ANKRD11: variants seen among roughly 807,000 people sequenced by gnomAD.
The protein encoded by ANKRD11 is ankyrin repeat domain 11, also known as ankyrin repeat domain-containing protein 11.
ANKRD11 carries 17 observed loss-of-function variants against 195.7 expected under a neutral mutation model. The ratio of observed to expected loss-of-function variants is 0.09; its 90% confidence interval spans 0.06 to 0.13. The LOEUF is 0.13. Among genes scored for constraint, ANKRD11 ranks in the 10% least tolerant of loss-of-function variants. The probability of loss-of-function intolerance (pLI) is 1.00; values close to 1 mark genes in which losing one functional copy is unlikely to be tolerated. For missense variants in ANKRD11, 3,735 were observed against 3,566.1 expected (o/e 1.05, Z -1.21); for synonymous variants, 1,953 against 1,528.1 (o/e 1.28, Z -6.49).
intron 2 of ANKRD11, among the ~76,000 whole-genome samples, chr16:89,413,782 G>C (rs1003923950): frequency 6.6e-6 from 1 of 152,180 alleles, no homozygotes. Context: ...CCCCAGGGGT[G>C]AGGGTGCCAG....
At chr16:89,486,769 G>A (rs1567872150) in intron 1 of ANKRD11, among the ~76,000 whole-genome samples, 1 of 152,132 alleles carries the variant, frequency 6.6e-6, no homozygotes, top group African/African-American at 2.4e-5. Flanking sequence ...ACTTTGGGAG[G>A]CCGAGGCAGG....
chr16:89,449,802 G>C (rs1015429464), intron 1 of ANKRD11, among the ~76,000 whole-genome samples: 2 of 152,042 alleles, frequency 1.3e-5, no homozygotes, highest in African/African-American at 4.8e-5. Flanking sequence ...TCAAAAAAAA[G>C]AAAAGTGTGC....
At chr16:89,395,296 T>C (rs1014246276) in intron 2 of ANKRD11, among the ~76,000 whole-genome samples, 1 of 152,226 alleles carries the variant, frequency 6.6e-6, no homozygotes, top group African/African-American at 2.4e-5. Flanking sequence ...GGCTGGACTC[T>C]TTCCAGCTCC....
In ANKRD11 at chr16:89,418,801, G is replaced by C. The variant is rs549271421; in HGVS notation, c.-144-433C>G. ...TTTTTGGAGACAGAGTTTCACTCTT[G>C]TCCCCCAGGCTGGAGTGCAGTGGCG... On this transcript the variant is annotated intron_variant, in intron 1 of 12. Transcript: ENST00000301030. 6.3e-4 allele frequency among the ~76,000 whole-genome samples: 88 copies of C among 140,362 alleles called. 1 individual carries two copies. Among genetic ancestry groups the C allele is most frequent in the African/African-American group, 2.2e-3 (83 of 37,428 alleles). The allele number at this position is 140,362 out of a possible 152,430, so 92.1% of individuals were successfully genotyped here. A position where few individuals can be genotyped will look rare whatever the true frequency, so the allele number is the denominator to read the frequency against.
intron 1 of ANKRD11, among the ~76,000 whole-genome samples, chr16:89,426,913 C>A (rs1013371053): frequency 6.6e-6 from 1 of 152,172 alleles, no homozygotes; most frequent in Non-Finnish European, 1.5e-5. Flanking sequence ...TCTGTTTCTA[C>A]AAAATGAATA....
intron 4 of ANKRD11, among the ~76,000 whole-genome samples, chr16:89,301,994 G>A (rs948588060): frequency 9.9e-5 from 15 of 152,256 alleles, no homozygotes; most frequent in African/African-American, 3.1e-4. Flanking sequence ...TCCCACCATA[G>A]CAAGGGGCAC....
rs115797011 is a variant in ANKRD11 at position 89,284,698 on chromosome 16, G to C, written c.1844C>G (p.Ala615Gly). 1.3e-3 allele frequency: 2,041 copies of C among 1,613,834 alleles called. 26 individuals are homozygous for C. The African/African-American group carries it at 0.024, about 19-fold the overall frequency. The change falls in exon 9 of 13, where the codon GCG (alanine) becomes GGG (glycine). Residue 615 changes from alanine (A) to glycine (G), a missense_variant. Coordinates refer to ENST00000301030, the MANE Select transcript of ANKRD11 (RefSeq NM_013275.6). ...SEKKSPFLSS[A>G]EGAVPKLDKE... ...GTCCAGTTTGGGGACAGCGCCCTCC[G>C]CGCTGGACAGGAAGGGGCTCTTCTT...
At chr16:89,480,019 G>T (rs773527572) in intron 1 of ANKRD11, among the ~76,000 whole-genome samples, 2 of 151,658 alleles carry the variant, frequency 1.3e-5, no homozygotes, top group African/African-American at 4.9e-5. Context: ...GCTGAGGCAG[G>T]AGAAATGCTT....
In ANKRD11 at chr16:89,283,793, A is replaced by G; in HGVS notation, c.2749T>C (p.Ser917Pro). The G allele has an allele frequency of 2.5e-6, 4 of 1,613,500 alleles. No homozygotes were observed. Among genetic ancestry groups the G allele is most frequent in the Non-Finnish European group, 3.4e-6 (4 of 1,179,736 alleles). ...TCGGTCTGCTCTTTCCTCTTCTCAG[A>G]GTTTTTATCCAAATAGTCCCTGTCC... ...KKDRDYLDKN[S>P]EKRKEQTEKH... Residue 917 changes from serine (S) to proline (P), a missense_variant, in exon 9 of 13, where the codon TCT becomes CCT. By Grantham distance (74) the Ser-to-Pro change is moderately conservative (BLOSUM62 -1). Transcript: ENST00000301030. The surrounding 1 kb of genome is among the most constrained non-coding windows in gnomAD (Gnocchi z 4.3).
chr16:89,270,806 G>T lies in ANKRD11; in HGVS notation c.7806+11C>A. The T allele has an allele frequency of 6.2e-7, 1 of 1,612,516 alleles. No homozygotes were observed. Among genetic ancestry groups the T allele is most frequent in the African/African-American group, 1.3e-5 (1 of 74,968 alleles). ...CCCCCAGGCAGAACTGAGGGGACGC[G>T]CAACACCGACCTTCATGCGGTCATA... On this transcript the variant is annotated intron_variant, in intron 12 of 12. Transcript: ENST00000301030.
At chr16:89,318,139 C>T (rs1292572069) in intron 2 of ANKRD11, among the ~76,000 whole-genome samples, 3 of 152,252 alleles carry the variant, frequency 2.0e-5, no homozygotes, top group Admixed American at 6.5e-5. Context: ...CCCTCTGCGA[C>T]ACACGGTGCG....
chr16:89,436,540 G>C (rs908107261), intron 1 of ANKRD11, among the ~76,000 whole-genome samples: 1 of 152,276 alleles, frequency 6.6e-6, no homozygotes, highest in African/African-American at 2.4e-5. Flanking sequence ...GTCTGCCTTG[G>C]GTGTTGGGAC....
At chr16:89,449,930 C>A (rs1345024946) in intron 1 of ANKRD11, among the ~76,000 whole-genome samples, 1 of 152,154 alleles carries the variant, frequency 6.6e-6, no homozygotes, top group Non-Finnish European at 1.5e-5. Context: ...GCTACAGGTC[C>A]CAGCTCCTGC....
chr16:89,356,542 C>T (rs1057370453), intron 2 of ANKRD11, among the ~76,000 whole-genome samples: 1 of 150,322 alleles, frequency 6.7e-6, no homozygotes, highest in South Asian at 2.1e-4. Context: ...GAGGCCGAGG[C>T]GGGCGGATCA....
Position 89,279,622 on chromosome 16 carries a change from G to T in ANKRD11, c.6920C>A (p.Pro2307His). ...TGCGGCTTCCGGCTGGATGCCGCCAGGAGGGCCTTCGGCTGGGGCGGCGGC... is the reference window on the plus strand; with the variant it reads ...TGCGGCTTCCGGCTGGATGCCGCCATGAGGGCCTTCGGCTGGGGCGGCGGC... ...SRAAAPAEGP[P>H]GGIQPEAAEP... The change falls in exon 9 of 13, where the codon CCT becomes CAT. Residue 2307 changes from proline to histidine, a missense_variant. By Grantham distance (77) the Pro-to-His change is moderately conservative. Coordinates refer to ENST00000301030, the MANE Select transcript of ANKRD11 (RefSeq NM_013275.6). The surrounding 1 kb of genome is among the most constrained non-coding windows in gnomAD (Gnocchi z 5.6). The T allele has an allele frequency of 7.0e-7, 1 of 1,438,730 alleles. No individual in the cohort carries two copies. The highest frequency in any genetic ancestry group is 2.5e-5 in the East Asian group (1 of 40,092). The allele number at this position is 1,438,730 out of a possible 1,614,324, so 89.1% of individuals were successfully genotyped here. A position where few individuals can be genotyped will look rare whatever the true frequency, so the allele number is the denominator to read the frequency against.
chr16:89,441,782 A>AAAAAAAAC, intron 1 of ANKRD11, among the ~76,000 whole-genome samples: 1 of 149,784 alleles, frequency 6.7e-6, no homozygotes, highest in East Asian at 2.0e-4. Context: ...AAAAAAAAAA[A>AAAAAAAAC]AAAAAAAAAA....
Position 89,283,100 on chromosome 16 carries a change from C to A in ANKRD11, c.3442G>T (p.Gly1148Cys), listed in dbSNP as rs143417087. 6.2e-7 allele frequency: 1 copy of A among 1,613,912 alleles called. No individual in the cohort carries two copies. The highest frequency in any genetic ancestry group is 8.5e-7 in the Non-Finnish European group (1 of 1,180,002). ...CGTCCTTCCTCCTTCTCCTGGAGGC[C>A]GTCCGTCCTCGGCAAGTCGCTGGCC... ...GEASDLPRTD[G>C]LQEKEEGREA... is the part of the protein sequence containing the mutation. The change falls in exon 9 of 13, where the codon GGC becomes TGC. Residue 1148 changes from glycine (G) to cysteine (C), a missense_variant. Coordinates refer to ENST00000301030, the MANE Select transcript of ANKRD11 (RefSeq NM_013275.6). The surrounding 1 kb of genome is among the most constrained non-coding windows in gnomAD (Gnocchi z 4.3).
At chr16:89,332,819 C>T (rs902578713) in intron 2 of ANKRD11, among the ~76,000 whole-genome samples, 1 of 152,214 alleles carries the variant, frequency 6.6e-6, no homozygotes, top group Non-Finnish European at 1.5e-5. Flanking sequence ...AGAAAGCAAG[C>T]AATTCCCTTA....
chr16:89,432,757 C>G (rs1411326844), intron 1 of ANKRD11, among the ~76,000 whole-genome samples: 3 of 151,962 alleles, frequency 2.0e-5, no homozygotes, highest in African/African-American at 7.3e-5. Flanking sequence ...CCAGCCTGGG[C>G]AACACAATGG....
Sources: allele counts gnomAD v4.1 joint callset (sites outside exome capture counted in the v4.1 genomes callset), GRCh38; gene constraint gnomAD v4.1.1; non-coding constraint Gnocchi (gnomAD v3.1); transcripts MANE v1.5; gene names NCBI Gene and HGNC (gene_info 2026-07-23, HGNC 2026-07-21).